The following CSMD1 variants were observed in gnomAD, a reference collection of about 807,000 sequenced individuals.
CSMD1 encodes CUB and Sushi multiple domains 1.
Under a neutral mutation model 417.5 loss-of-function variants are expected in CSMD1, and 213 were observed. The observed-to-expected ratio is 0.51, with a 90% CI of 0.46 to 0.57. The LOEUF (loss-of-function observed/expected upper bound fraction) is 0.57, where lower values mean the gene tolerates loss of function less well. CSMD1 is among the 20% of genes least tolerant of loss of function. The pLI, the probability that CSMD1 is intolerant of heterozygous loss-of-function variation, is 0.00. For synonymous variants in CSMD1, 2,862 were observed against 1,736.8 expected, an observed-to-expected ratio of 1.65 and a Z score of -16.11; for missense variants, 6,923 against 4,529.7, an observed-to-expected ratio of 1.53 and a Z score of -15.17.
rs567213088 is a variant in CSMD1, at chr8:4,496,816, G to A, written c.303-76751C>T. Among the ~76,000 whole-genome samples, 16 of 152,182 alleles carry A rather than the reference G, an allele frequency of 1.1e-4. No homozygotes were observed. In the South Asian group the frequency reaches 2.9e-3, roughly 28 times the overall value. ...ACATCCTGAGACATGGACTTTTGATGGGTAATCAAGGTTTAGAAAAATGAG... is the reference window on the plus strand; with the variant it reads ...ACATCCTGAGACATGGACTTTTGATAGGTAATCAAGGTTTAGAAAAATGAG... On this transcript the variant is annotated intron_variant, in intron 2 of 69. Transcript: ENST00000635120.
chr8:4,224,859 C>T (rs957216923), intron 3 of CSMD1, among the ~76,000 whole-genome samples: 1 of 152,204 alleles, frequency 6.6e-6, no homozygotes, highest in Non-Finnish European at 1.5e-5. Context: ...CCTGTCATCC[C>T]AGCACTTTGG....
intron 5 of CSMD1, among the ~76,000 whole-genome samples, chr8:3,777,536 G>A (rs936360088): frequency 2.0e-5 from 3 of 152,188 alleles, no homozygotes; most frequent in Non-Finnish European, 4.4e-5. Context: ...ACAGGACGGA[G>A]GGCTTTCTCC....
At chr8:3,140,200 C>T (rs1038735522) in intron 41 of CSMD1, among the ~76,000 whole-genome samples, 5 of 152,196 alleles carry the variant, frequency 3.3e-5, no homozygotes, top group Admixed American at 2.0e-4. Context: ...CCACCACACC[C>T]AGCCCCGATT....
chr8:3,855,333 G>C (rs898682035), intron 5 of CSMD1, among the ~76,000 whole-genome samples: 1 of 152,050 alleles, frequency 6.6e-6, no homozygotes, highest in African/African-American at 2.4e-5. Context: ...TTTTCATCCA[G>C]AAGGAAATAC....
rs1455089805 is a variant in CSMD1, at chr8:4,152,594, G to C, written c.416-120495C>G. Among the ~76,000 whole-genome samples, 9 of 151,882 alleles carry C rather than the reference G, an allele frequency of 5.9e-5. No individual in the cohort carries two copies. In the East Asian group the frequency reaches 1.6e-3, roughly 26 times the overall value. On this transcript the variant is annotated intron_variant, in intron 3 of 69. Transcript: ENST00000635120. ...GTTCCCAACTCCTTGGGAGGCTTAA[G>C]TGGGAAGATCGTTTGAGCCTAGGAG...
chr8:2,951,708 T>A (rs1300104243), intron 65 of CSMD1, among the ~76,000 whole-genome samples: 1 of 152,188 alleles, frequency 6.6e-6, no homozygotes, highest in East Asian at 1.9e-4. Flanking sequence ...TCCAAAGAAC[T>A]GATATATATA....
intron 1 of CSMD1, among the ~76,000 whole-genome samples, chr8:4,953,457 T>A (rs914149640): frequency 2.6e-5 from 4 of 152,144 alleles, no homozygotes; most frequent in African/African-American, 9.7e-5. Flanking sequence ...AAATACTAAA[T>A]AATTGCTTTA....
At chr8:3,226,060 C>G (rs895964978) in intron 27 of CSMD1, among the ~76,000 whole-genome samples, 12 of 152,174 alleles carry the variant, frequency 7.9e-5, no homozygotes, top group African/African-American at 2.9e-4. Context: ...TTTAACGAGA[C>G]CCATCTACGT....
At chr8:3,765,473 C>T (rs1798214604) in intron 5 of CSMD1, among the ~76,000 whole-genome samples, 1 of 152,130 alleles carries the variant, frequency 6.6e-6, no homozygotes, top group Non-Finnish European at 1.5e-5. Flanking sequence ...AGAGGTCTAC[C>T]TCACCTCTGC....
chr8:4,179,411 C>G (rs1014598871), intron 3 of CSMD1, among the ~76,000 whole-genome samples: 1 of 151,976 alleles, frequency 6.6e-6, no homozygotes, highest in African/African-American at 2.4e-5. Flanking sequence ...TCCTTACACC[C>G]TATACAAAAA....
At chr8:3,637,126 T>C (rs1283617764) in intron 7 of CSMD1, among the ~76,000 whole-genome samples, 3 of 152,204 alleles carry the variant, frequency 2.0e-5, no homozygotes, top group Non-Finnish European at 4.4e-5. Flanking sequence ...CCTTTATAAA[T>C]TATCCCGTTT....
chr8:4,518,618 G>C (rs568267719), intron 2 of CSMD1, among the ~76,000 whole-genome samples: 3 of 137,214 alleles, frequency 2.2e-5, no homozygotes, highest in Admixed American at 7.3e-5. Context: ...GACTGCTGTG[G>C]GGTGGGGGGC....
intron 1 of CSMD1, among the ~76,000 whole-genome samples, chr8:4,948,518 T>A (rs1808518773): frequency 1.3e-5 from 2 of 152,042 alleles, no homozygotes; most frequent in South Asian, 2.1e-4. Context: ...TAAAGTTTCA[T>A]AATCTTGTGA....
intron 7 of CSMD1, among the ~76,000 whole-genome samples, chr8:3,701,029 C>CG (rs774590314): frequency 9.3e-5 from 14 of 150,230 alleles, no homozygotes; most frequent in African/African-American, 2.5e-4. Flanking sequence ...TGGGATATGT[C>CG]GGGGGGCAGT....
At chr8:3,848,169 A>AT (rs1803641777) in intron 5 of CSMD1, among the ~76,000 whole-genome samples, 1 of 151,780 alleles carries the variant, frequency 6.6e-6, no homozygotes, top group African/African-American at 2.4e-5. Context: ...AGAAGTTGGC[A>AT]TTTTTTACAG....
intron 1 of CSMD1, among the ~76,000 whole-genome samples, chr8:4,870,178 G>A (rs1041278384): frequency 6.6e-6 from 1 of 152,018 alleles, no homozygotes; most frequent in Admixed American, 6.5e-5. Context: ...AATTTATAAA[G>A]TAAATAATGA....
intron 26 of CSMD1, among the ~76,000 whole-genome samples, chr8:3,272,159 T>A (rs1801911653): frequency 6.8e-6 from 1 of 147,076 alleles, no homozygotes; most frequent in Admixed American, 6.8e-5. Context: ...GGTTAGCCAG[T>A]TTTCCCAGCA....
chr8:3,896,575 G>A lies in CSMD1; in HGVS notation c.818+101328C>T, dbSNP rs556016711. Among the ~76,000 whole-genome samples, 9 of 151,938 alleles carry A rather than the reference G, an allele frequency of 5.9e-5. No individual in the cohort carries two copies. In the East Asian group the frequency reaches 1.7e-3, roughly 30 times the overall value. ...CACCCAGGCTGGAGTGCAGTGGCGT[G>A]ATCTCGGCTCACCGCAAGCTCTGCC... On this transcript the variant is annotated intron_variant, in intron 5 of 69. Coordinates refer to ENST00000635120, the MANE Select transcript of CSMD1 (RefSeq NM_033225.6).
At chr8:3,413,804 TTCTC>T (rs1323415147) in intron 12 of CSMD1, among the ~76,000 whole-genome samples, 4 of 152,108 alleles carry the variant, frequency 2.6e-5, no homozygotes, top group Non-Finnish European at 4.4e-5. Flanking sequence ...TCAAACCCCC[TTCTC>T]TCTATGTCAG....
Sources: gnomAD v4.1 joint callset for allele counts (sites outside exome capture counted in the v4.1 genomes callset) on GRCh38, gnomAD v4.1.1 for gene constraint, MANE v1.5 for transcripts, NCBI Gene and HGNC (gene_info 2026-07-23, HGNC 2026-07-21) for gene names.